Variants in MRGBP observed in about 807,000 individuals in gnomAD.
The protein encoded by MRGBP is MRG/MORF4L-binding protein.
Under a neutral mutation model 21.5 loss-of-function variants are expected in MRGBP, and 5 were observed. The observed-to-expected ratio is 0.23, with a 90% CI of 0.12 to 0.49. MRGBP has a LOEUF of 0.49. Ranked by LOEUF, MRGBP falls within the 20% of genes least tolerant of loss-of-function variation. MRGBP has a pLI of 0.98. For synonymous variants in MRGBP, 118 were observed against 104.4 expected, an observed-to-expected ratio of 1.13 and a Z score of -0.79; for missense variants, 227 against 277.4, an observed-to-expected ratio of 0.82 and a Z score of 1.29.
Position 62,801,335 on chromosome 20 carries a change from C to G in MRGBP, c.*1692C>G, listed in dbSNP as rs1990458471. ...CACAAAGAGCAGGCATCTGGAGGGC[C>G]CCACACACATAGACCAAAGGACTGA... On this transcript the variant is annotated 3_prime_UTR_variant, in exon 5 of 5. Coordinates refer to ENST00000370487, the MANE Select transcript of MRGBP (RefSeq NM_018270.6). 6.6e-6 allele frequency: 1 copy of G among 152,260 alleles called. No individual in the cohort carries two copies. The highest frequency in any genetic ancestry group is 2.4e-5 in the African/African-American group (1 of 41,436). 9.4% of individuals were successfully genotyped at this position (152,260 alleles called of 1,614,324 possible). A position where few individuals can be genotyped will look rare whatever the true frequency, so the allele number is the denominator to read the frequency against.
chr20:62,799,471 G>A lies in MRGBP; in HGVS notation c.443G>A (p.Gly148Glu). 6.2e-7 allele frequency: 1 copy of A among 1,610,478 alleles called. No individual in the cohort carries two copies. Among genetic ancestry groups the A allele is most frequent in the Non-Finnish European group, 8.5e-7 (1 of 1,178,500 alleles). The stretch of plus-strand genomic sequence containing the variant: ...CGTTTCTCAGTTTTTTCATCTTCAG[G>A]GAGTTTGGGGAAAGCATCAGAAAAA... ...NGADDVFSSS[G>E]SLGKASEKSS... Residue 148 changes from glycine to glutamate, a missense_variant, in exon 5 of 5, where the codon GGG (glycine) becomes GAG (glutamate). Gly to Glu is a moderately conservative substitution (Grantham distance 98). Coordinates refer to ENST00000370487, the MANE Select transcript of MRGBP (RefSeq NM_018270.6).
Position 62,799,794 on chromosome 20 carries a change from T to G in MRGBP, c.*151T>G. On this transcript the variant is annotated 3_prime_UTR_variant, in exon 5 of 5. Transcript: ENST00000370487. ...CCGCCCTCAGGCTCTCAGGTGAACGTGGCCGTCAGCGGGGAAACGTGTGTG... is the reference window on the plus strand; with the variant it reads ...CCGCCCTCAGGCTCTCAGGTGAACGGGGCCGTCAGCGGGGAAACGTGTGTG... 1.2e-6 allele frequency: 1 copy of G among 832,850 alleles called. No individual in the cohort carries two copies. Among genetic ancestry groups the G allele is most frequent in the Middle Eastern group, 3.7e-4 (1 of 2,678 alleles). 51.6% of individuals were successfully genotyped at this position (832,850 alleles called of 1,614,324 possible). A position where few individuals can be genotyped will look rare whatever the true frequency, so the allele number is the denominator to read the frequency against.
rs760857381 is a variant in MRGBP at position 62,797,090 on chromosome 20, G to A, written c.149-20G>A. The A allele has an allele frequency of 1.4e-6, 2 of 1,401,528 alleles. No individual in the cohort carries two copies. Among genetic ancestry groups the A allele is most frequent in the Non-Finnish European group, 9.4e-7 (1 of 1,065,796 alleles). The allele number at this position is 1,401,528 out of a possible 1,614,324, so 86.8% of individuals were successfully genotyped here. A position where few individuals can be genotyped will look rare whatever the true frequency, so the allele number is the denominator to read the frequency against. ...CTCCTCACCGCTCACCGGTTATCCCGCCGCCCCTCCTCCCCTCAGGTGTGA... is the reference window on the plus strand; with the variant it reads ...CTCCTCACCGCTCACCGGTTATCCCACCGCCCCTCCTCCCCTCAGGTGTGA... On this transcript the variant is annotated intron_variant, in intron 1 of 4. Transcript: ENST00000370487.
intron 2 of MRGBP, among the ~76,000 whole-genome samples, chr20:62,798,334 G>A (rs1369807171): frequency 5.3e-5 from 8 of 152,184 alleles, no homozygotes; most frequent in Non-Finnish European, 1.2e-4. Context: ...TGGCCCCGGT[G>A]GGTCTTCCTG....
chr20:62,798,132 C>T (rs1990375918), intron 2 of MRGBP, among the ~76,000 whole-genome samples: 1 of 152,234 alleles, frequency 6.6e-6, no homozygotes, highest in Non-Finnish European at 1.5e-5. Flanking sequence ...CCCTCGGTGT[C>T]CATGGGCTCC....
Position 62,798,911 on chromosome 20 carries a change from G to T in MRGBP, c.353-64G>T. On this transcript the variant is annotated intron_variant, in intron 3 of 4. Coordinates refer to ENST00000370487, the MANE Select transcript of MRGBP (RefSeq NM_018270.6). The stretch of plus-strand genomic sequence containing the variant: ...CAAGCGTCGGAGCAGTCCCTGGCCT[G>T]ACCATCCCCCAGCGTCGGCCACCAC... The T allele has an allele frequency of 1.9e-6, 3 of 1,608,388 alleles. No homozygotes were observed. In the South Asian group the frequency reaches 3.3e-5, roughly 18 times the overall value.
chr20:62,797,078 A>C (rs1600763536), intron 1 of MRGBP, 32 bp from the exon 2 acceptor site: 15 of 1,445,250 alleles, frequency 1.0e-5, no homozygotes, highest in Middle Eastern at 1.8e-4. Context: ...CTCACCGCTC[A>C]CCGGTTATCC....
At position 62,799,469 on chromosome 20, in the gene MRGBP, A is replaced by C. The variant is rs1239260271; in HGVS notation, c.441A>C (p.Ser147=). The C allele has an allele frequency of 6.2e-7, 1 of 1,610,112 alleles. No individual in the cohort carries two copies. The highest frequency in any genetic ancestry group is 2.2e-5 in the East Asian group (1 of 44,832). Residue 147 remains serine, a synonymous_variant, in exon 5 of 5, where the codon TCA becomes TCC. Transcript: ENST00000370487. ...TTCGTTTCTCAGTTTTTTCATCTTC[A>C]GGGAGTTTGGGGAAAGCATCAGAAA... ...HNGADDVFSS[S]GSLGKASEKS... is the part of the protein sequence containing the mutation.
intron 2 of MRGBP, 36 bp from the exon 3 acceptor site, chr20:62,798,551 C>T (rs1568731614): frequency 1.9e-6 from 3 of 1,578,744 alleles, no homozygotes; most frequent in East Asian, 2.2e-5. Flanking sequence ...CATCTTCACC[C>T]TTGTTTCTTA....
At chr20:62,798,330 C>T (rs528690339) in intron 2 of MRGBP, among the ~76,000 whole-genome samples, 2 of 152,310 alleles carry the variant, frequency 1.3e-5, no homozygotes, top group African/African-American at 2.4e-5. Flanking sequence ...ATGCTGGCCC[C>T]GGTGGGTCTT....
chr20:62,797,029 C>T, intron 1 of MRGBP, 81 bp from the exon 2 acceptor site: 1 of 1,427,632 alleles, frequency 7.0e-7, no homozygotes, highest in Non-Finnish European at 9.4e-7. Flanking sequence ...CTTGCCCCTC[C>T]AGTCCCCAGG....
chr20:62,799,540 A>G lies in MRGBP; in HGVS notation c.512A>G (p.Lys171Arg). The change falls in exon 5 of 5, where the codon AAA becomes AGA. Residue 171 changes from lysine to arginine, a missense_variant. Lys to Arg is a conservative substitution (Grantham distance 26). This residue lies in a region of MRGBP where 162 missense variants were observed against 227.7 expected (regional missense o/e 0.71). Coordinates refer to ENST00000370487, the MANE Select transcript of MRGBP (RefSeq NM_018270.6). ...KEKNSSDLGC[K>R]EGADKRKRSR... ...AAGAACTCCTCAGACTTGGGGTGCA[A>G]AGAAGGCGCAGACAAGCGGAAGCGC... The G allele has an allele frequency of 6.2e-7, 1 of 1,613,892 alleles. No individual in the cohort carries two copies. Among genetic ancestry groups the G allele is most frequent in the Non-Finnish European group, 8.5e-7 (1 of 1,180,018 alleles).
Position 62,801,474 on chromosome 20 carries a change from T to C in MRGBP, c.*1831T>C, listed in dbSNP as rs1990463008. 1 of 152,302 alleles carries C rather than the reference T, an allele frequency of 6.6e-6. No homozygotes were observed. The highest frequency in any genetic ancestry group is 2.1e-4 in the South Asian group (1 of 4,832). The allele number at this position is 152,302 out of a possible 1,614,324, so 9.4% of individuals were successfully genotyped here. On this transcript the variant is annotated 3_prime_UTR_variant, in exon 5 of 5. Transcript: ENST00000370487. ...CCCCTTGCCCGTCTGATCTCTCCTG[T>C]TAGGTCAGCCTCATTCAGGGCTTTG...
In MRGBP at chr20:62,799,720, A is replaced by AC; in HGVS notation, c.*83dup. Reference sequence around the variant, plus strand: ...AGGGGGTTGGCTGGGTCTGAGTGCCACCCCCCAGGCCACAGTGATACCATC... The same window carrying AC: ...AGGGGGTTGGCTGGGTCTGAGTGCCACCCCCCCAGGCCACAGTGATACCATC... On this transcript the variant is annotated 3_prime_UTR_variant, in exon 5 of 5. Coordinates refer to ENST00000370487, the MANE Select transcript of MRGBP (RefSeq NM_018270.6). 1 of 1,466,510 alleles carries AC rather than the reference A, an allele frequency of 6.8e-7. No individual in the cohort carries two copies. Among genetic ancestry groups the AC allele is most frequent in the East Asian group, 2.3e-5 (1 of 43,028 alleles). The allele number at this position is 1,466,510 out of a possible 1,614,324, so 90.8% of individuals were successfully genotyped here.
chr20:62,799,046 G>A lies in MRGBP; in HGVS notation c.424G>A (p.Asp142Asn), dbSNP rs772567009. ...CGTGGACCCCCACAATGGGGCTGAC[G>A]ATGGTGAGTGTGGAGCTCACCCTGC... ...EDVDPHNGADDVFSSSGSLGK... is the reference protein window; with the variant it reads ...EDVDPHNGADNVFSSSGSLGK... The change falls in exon 4 of 5, where the codon GAT (aspartate) becomes AAT (asparagine). Residue 142 changes from aspartate to asparagine, a missense_variant. Around this residue, in one of 2 missense-constraint regions of MRGBP, gnomAD observed 162 missense variants for 227.7 expected, o/e 0.71. Coordinates refer to ENST00000370487, the MANE Select transcript of MRGBP (RefSeq NM_018270.6). The A allele has an allele frequency of 7.5e-6, 12 of 1,610,292 alleles. No individual in the cohort carries two copies. The highest frequency in any genetic ancestry group is 2.7e-5 in the African/African-American group (2 of 74,902).
In MRGBP at chr20:62,796,619, C is replaced by T; in HGVS notation, c.96C>T (p.Ser32=). ...CGGCGGAGGAGACAGTGGTGTGGAG[C>T]CCCGAGGTGGAGGTGTGCCTCTTCC... The part of the protein sequence containing the change: ...TSPAEETVVW[S]PEVEVCLFHA... Residue 32 remains serine (S), a synonymous_variant, in exon 1 of 5, where the codon AGC becomes AGT. Transcript: ENST00000370487. 1.5e-6 allele frequency: 2 copies of T among 1,332,272 alleles called. No homozygotes were observed. Among genetic ancestry groups the T allele is most frequent in the South Asian group, 1.8e-5 (1 of 55,130 alleles). The allele number at this position is 1,332,272 out of a possible 1,614,324, so 82.5% of individuals were successfully genotyped here.
rs370090993 is a variant in MRGBP at position 62,796,561 on chromosome 20, G to A, written c.38G>A (p.Gly13Asp). ...GAGGTGGGCGGCGGGGGCGCCGCAG[G>A]CGACAAGGGCCCGGGGGAGGCGGCC... ...EAEVGGGGAA[G>D]DKGPGEAATS... Residue 13 changes from glycine to aspartate, a missense_variant, in exon 1 of 5, where the codon GGC (glycine) becomes GAC (aspartate). By Grantham distance (94) the Gly-to-Asp change is moderately conservative. Transcript: ENST00000370487. 5.6e-5 allele frequency: 69 copies of A among 1,223,368 alleles called. No individual in the cohort carries two copies. Among genetic ancestry groups the A allele is most frequent in the Non-Finnish European group, 6.7e-5 (65 of 976,622 alleles). The allele number at this position is 1,223,368 out of a possible 1,614,324, so 75.8% of individuals were successfully genotyped here. A position where few individuals can be genotyped will look rare whatever the true frequency, so the allele number is the denominator to read the frequency against.
At chr20:62,796,997 T>C (rs1600763440) in intron 1 of MRGBP, 113 bp from the exon 2 acceptor site, 30 of 239,252 alleles carry the variant, frequency 1.3e-4, no homozygotes, top group South Asian at 1.0e-3. Context: ...ACCCTGGCCC[T>C]CCCCATCTCT....
Position 62,799,930 on chromosome 20 carries a change from C to A in MRGBP, c.*287C>A. The A allele has an allele frequency of 5.6e-6, 2 of 357,156 alleles. No homozygotes were observed. The highest frequency in any genetic ancestry group is 2.1e-5 in the African/African-American group (1 of 48,640). 22.1% of individuals were successfully genotyped at this position (357,156 alleles called of 1,614,324 possible). A position where few individuals can be genotyped will look rare whatever the true frequency, so the allele number is the denominator to read the frequency against. ...GTCTTCTCTGGAGCAGCTGTGGCTTCCCCGTGGCTGCTTGGTGACATGGAT... is the reference window on the plus strand; with the variant it reads ...GTCTTCTCTGGAGCAGCTGTGGCTTACCCGTGGCTGCTTGGTGACATGGAT... On this transcript the variant is annotated 3_prime_UTR_variant, in exon 5 of 5. Coordinates refer to ENST00000370487, the MANE Select transcript of MRGBP (RefSeq NM_018270.6).
Sources: allele counts gnomAD v4.1 joint callset (sites outside exome capture counted in the v4.1 genomes callset), GRCh38; gene constraint gnomAD v4.1.1; regional missense constraint gnomAD v4.1.1; transcripts MANE v1.5; gene names NCBI Gene and HGNC (gene_info 2026-07-23, HGNC 2026-07-21).